Variants in R3HDM1 observed in about 807,000 individuals in gnomAD.
The protein encoded by R3HDM1 is R3H domain containing 1.
Under a neutral mutation model 141.1 loss-of-function variants are expected in R3HDM1, and 46 were observed. That is an observed-to-expected ratio of 0.33 (90% CI 0.26 to 0.42). The LOEUF is 0.42. Ranked by LOEUF, R3HDM1 falls within the 10% of genes least tolerant of loss-of-function variation. R3HDM1 has a pLI of 1.00. For missense variants in R3HDM1, 1,184 were observed against 1,368.3 expected, an observed-to-expected ratio of 0.87 and a Z score of 2.12; for synonymous variants, 435 against 472.9, an observed-to-expected ratio of 0.92 and a Z score of 1.04.
intron 1 of R3HDM1, among the ~76,000 whole-genome samples, chr2:135,595,464 A>G (rs769333948): frequency 6.6e-6 from 1 of 152,172 alleles, no homozygotes; most frequent in African/African-American, 2.4e-5. Flanking sequence ...TCTACCCCTT[A>G]CTAGTCTTGC....
At chr2:135,626,931 C>A (rs2062107857) in intron 7 of R3HDM1, among the ~76,000 whole-genome samples, 2 of 152,138 alleles carry the variant, frequency 1.3e-5, no homozygotes, top group Non-Finnish European at 2.9e-5. Context: ...TCATGACTGG[C>A]TTTTATTCAC....
At chr2:135,638,684 T>G in intron 12 of R3HDM1, 29 bp downstream of exon 12, 1 of 1,611,384 alleles carries the variant, frequency 6.2e-7, no homozygotes, top group Non-Finnish European at 8.5e-7. Flanking sequence ...TCTGTTTTGG[T>G]AATTGTCTGA....
chr2:135,574,291 A>G (rs985621444), intron 1 of R3HDM1, among the ~76,000 whole-genome samples: 11 of 152,228 alleles, frequency 7.2e-5, no homozygotes, highest in African/African-American at 1.2e-4. Flanking sequence ...AGGGAAATGC[A>G]TATTACCAAC....
intron 1 of R3HDM1, among the ~76,000 whole-genome samples, chr2:135,542,246 C>G (rs1697756839): frequency 6.6e-6 from 1 of 152,076 alleles, no homozygotes; most frequent in African/African-American, 2.4e-5. Flanking sequence ...TGTGTGTGTT[C>G]CTGTATAGTA....
At chr2:135,681,923 C>G (rs1469030359) in intron 21 of R3HDM1, among the ~76,000 whole-genome samples, 1 of 151,806 alleles carries the variant, frequency 6.6e-6, no homozygotes, top group Non-Finnish European at 1.5e-5. Context: ...CTAATCCCAG[C>G]CCCTTTGATG....
intron 19 of R3HDM1, chr2:135,670,482 A>G (rs2068173507): frequency 1.2e-6 from 1 of 825,904 alleles, no homozygotes; most frequent in Non-Finnish European, 1.5e-6. Flanking sequence ...ACATTGTACA[A>G]TTTCTATTGA....
At chr2:135,686,717 C>T (rs1046704580) in intron 21 of R3HDM1, among the ~76,000 whole-genome samples, 1 of 151,932 alleles carries the variant, frequency 6.6e-6, no homozygotes, top group African/African-American at 2.4e-5. Flanking sequence ...CCAGCTTAGG[C>T]GACAGAGCCA....
rs534882871 is a variant in R3HDM1 at position 135,613,121 on chromosome 2, G to T, written c.172-3031G>T. ...AACACCCATTATCAGCTCACAGTGG[G>T]CCCAACTGTGTTGTCCGCTTAGGGT... On this transcript the variant is annotated intron_variant, in intron 3 of 26. Coordinates refer to ENST00000683871, the MANE Select transcript of R3HDM1 (RefSeq NM_001378107.1). 1.4e-4 allele frequency among the ~76,000 whole-genome samples: 21 copies of T among 152,292 alleles called. No individual in the cohort carries two copies. In the South Asian group the frequency reaches 3.9e-3, roughly 29 times the overall value.
chr2:135,574,470 T>C (rs1704906784), intron 1 of R3HDM1, among the ~76,000 whole-genome samples: 1 of 152,230 alleles, frequency 6.6e-6, no homozygotes. Context: ...ATTGGAATGT[T>C]GGAAAGCTTC....
rs558858475 is a variant in R3HDM1, at chr2:135,647,659, G to C, written c.1623+2132G>C. On this transcript the variant is annotated intron_variant, in intron 16 of 26. Transcript: ENST00000683871. The stretch of plus-strand genomic sequence containing the variant: ...GATCCAGAAACAGAGACTCAAAAGT[G>C]ATTCTCAATGAATACCTTTTGCACA... Among the ~76,000 whole-genome samples, 63 of 152,302 alleles carry C rather than the reference G, an allele frequency of 4.1e-4. 1 individual carries two copies. The highest frequency in any genetic ancestry group is 1.3e-3 in the Admixed American group (20 of 15,298).
chr2:135,714,083 A>T (rs1377242651), intron 23 of R3HDM1, among the ~76,000 whole-genome samples: 1 of 152,134 alleles, frequency 6.6e-6, no homozygotes, highest in East Asian at 1.9e-4. Context: ...TTCTGAGGAA[A>T]AGCATAATTT....
chr2:135,625,243 A>G (rs571265625), intron 7 of R3HDM1, among the ~76,000 whole-genome samples: 1 of 152,328 alleles, frequency 6.6e-6, no homozygotes, highest in South Asian at 2.1e-4. Context: ...TGAGGTCAGG[A>G]GTTCGACACC....
intron 1 of R3HDM1, among the ~76,000 whole-genome samples, chr2:135,581,795 T>C (rs1706876211): frequency 6.6e-6 from 1 of 152,202 alleles, no homozygotes. Flanking sequence ...CCCAGTTAAC[T>C]CTCTGACCTT....
intron 24 of R3HDM1, among the ~76,000 whole-genome samples, chr2:135,719,739 C>T (rs1457607328): frequency 1.3e-5 from 2 of 152,060 alleles, no homozygotes; most frequent in African/African-American, 4.8e-5. Context: ...AATTTTTAAG[C>T]AATGTTCTCT....
At chr2:135,599,917 G>A (rs569568132) in intron 1 of R3HDM1, among the ~76,000 whole-genome samples, 17 of 151,832 alleles carry the variant, frequency 1.1e-4, no homozygotes, top group African/African-American at 3.4e-4. Flanking sequence ...ACCTATAGTC[G>A]CAGTTACTCA....
At chr2:135,699,641 A>G (rs2073952270) in intron 21 of R3HDM1, among the ~76,000 whole-genome samples, 1 of 152,218 alleles carries the variant, frequency 6.6e-6, no homozygotes, top group South Asian at 2.1e-4. Context: ...AGAATGTTCT[A>G]AAGTTTTGTA....
At chr2:135,600,729 T>A (rs957239177) in intron 1 of R3HDM1, among the ~76,000 whole-genome samples, 4 of 152,214 alleles carry the variant, frequency 2.6e-5, no homozygotes. Flanking sequence ...CATTATTTAG[T>A]CTGTTATCAA....
chr2:135,582,700 G>A (rs1401671937), intron 1 of R3HDM1, among the ~76,000 whole-genome samples: 4 of 152,146 alleles, frequency 2.6e-5, no homozygotes, highest in African/African-American at 9.7e-5. Context: ...ATATTTCAAA[G>A]TGAGGTATTT....
chr2:135,699,514 G>A (rs1231250905), intron 21 of R3HDM1, among the ~76,000 whole-genome samples: 1 of 152,178 alleles, frequency 6.6e-6, no homozygotes, highest in African/African-American at 2.4e-5. Flanking sequence ...GACAAGGAGA[G>A]TATAAGGATA....
Sources: allele counts gnomAD v4.1 joint callset (sites outside exome capture counted in the v4.1 genomes callset), GRCh38; gene constraint gnomAD v4.1.1; transcripts MANE v1.5; gene names NCBI Gene and HGNC (gene_info 2026-07-23, HGNC 2026-07-21).